The following RNF212 variants were observed in gnomAD, a reference collection of about 807,000 sequenced individuals.
RNF212 encodes ring finger protein 212.
A neutral mutation model predicts 34.7 loss-of-function variants in RNF212; 33 were observed. The ratio of observed to expected loss-of-function variants is 0.95; its 90% CI spans 0.72 to 1.27. RNF212 has a LOEUF of 1.27. Ranked by LOEUF, RNF212 falls within the 50% of genes most tolerant of loss-of-function variation. The probability of loss-of-function intolerance (pLI) is 0.00; values close to 1 mark genes in which losing one functional copy is unlikely to be tolerated. For synonymous variants in RNF212, 140 were observed against 136.1 expected, an observed-to-expected ratio of 1.03 and a Z score of -0.20; for missense variants, 377 against 362.2, an observed-to-expected ratio of 1.04 and a Z score of -0.33.
chr4:1,105,413 G>A (rs4974638), intron 2 of RNF212, among the ~76,000 whole-genome samples: 86,624 of 151,982 alleles, frequency 0.57, 26,590 homozygotes, highest in South Asian at 0.69. Context: ...TATTCTGTGC[G>A]TTCAATCGTA....
At chr4:1,090,031 T>C (rs1346841877) in intron 4 of RNF212, among the ~76,000 whole-genome samples, 1 of 142,398 alleles carries the variant, frequency 7.0e-6, no homozygotes, top group African/African-American at 2.7e-5. Flanking sequence ...GGTGACGGGA[T>C]GGGATGGGGT....
intron 2 of RNF212, among the ~76,000 whole-genome samples, chr4:1,105,456 A>G (rs1724664443): frequency 6.6e-6 from 1 of 152,284 alleles, no homozygotes; most frequent in South Asian, 2.1e-4. Context: ...AAATCAATAT[A>G]TAAAGATATC....
chr4:1,080,521 A>G (rs1720156649), intron 7 of RNF212, among the ~76,000 whole-genome samples: 1 of 151,728 alleles, frequency 6.6e-6, no homozygotes, highest in Non-Finnish European at 1.5e-5. Context: ...CTGACCCCTC[A>G]CCCTTCATTG....
chr4:1,060,115 A>T (rs1463272009), intron 3 of RNF212, among the ~76,000 whole-genome samples: 1 of 7,254 alleles, frequency 1.4e-4, no homozygotes, highest in African/African-American at 4.9e-3. Flanking sequence ...AAAAAAAAAG[A>T]AAAAAGAAAT....
chr4:1,073,021 G>A lies in RNF212; in HGVS notation c.747C>T (p.Asn249=). The A allele has an allele frequency of 1.2e-6, 2 of 1,614,196 alleles. No individual in the cohort carries two copies. The highest frequency in any genetic ancestry group is 1.7e-6 in the Non-Finnish European group (2 of 1,180,020). Residue 249 remains asparagine (N), a synonymous_variant, in exon 10 of 10, where the codon AAC becomes AAT. Coordinates refer to ENST00000433731, the MANE Select transcript of RNF212 (RefSeq NM_001131034.4). ...CAGCATATATTGGAAGTGTTTTAGA[G>A]TTGGTGAGTTCCCCGTGCCTTCCAG... ...FSSGRHGELT[N]SKTLPIYAEV...
intron 3 of RNF212, chr4:1,058,432 T>G (rs1717504842): frequency 2.3e-6 from 2 of 869,574 alleles, no homozygotes; most frequent in Non-Finnish European, 2.8e-6. Flanking sequence ...TCGTTCATGT[T>G]AACACATCAC....
At chr4:1,106,673 G>A (rs1724879361) in intron 2 of RNF212, among the ~76,000 whole-genome samples, 2 of 152,230 alleles carry the variant, frequency 1.3e-5, no homozygotes, top group Non-Finnish European at 2.9e-5. Flanking sequence ...TTCCACTCAA[G>A]CTAGAGAAAG....
At chr4:1,108,011 T>A (rs1213614927) in intron 2 of RNF212, among the ~76,000 whole-genome samples, 1 of 152,228 alleles carries the variant, frequency 6.6e-6, no homozygotes. Flanking sequence ...AACAACACTC[T>A]TAATTATATA....
At chr4:1,058,134 GA>G (rs1202993862) in intron 4 of RNF212, among the ~76,000 whole-genome samples, 1 of 151,962 alleles carries the variant, frequency 6.6e-6, no homozygotes, top group Non-Finnish European at 1.5e-5. Context: ...AAACAGGGAT[GA>G]AAAGCAACAT....
At chr4:1,062,597 A>G (rs556298094) in intron 3 of RNF212, among the ~76,000 whole-genome samples, 18 of 152,332 alleles carry the variant, frequency 1.2e-4, no homozygotes, top group African/African-American at 4.1e-4. Context: ...GAACAAAGAC[A>G]AGGATGTCTG....
intron 8 of RNF212, among the ~76,000 whole-genome samples, chr4:1,074,138 C>T (rs1373844549): frequency 6.6e-6 from 1 of 152,140 alleles, no homozygotes; most frequent in Non-Finnish European, 1.5e-5. Flanking sequence ...ACCACGAGGC[C>T]GCTTCTGCCA....
chr4:1,075,113 T>C (rs554542736), intron 8 of RNF212, among the ~76,000 whole-genome samples: 1 of 152,218 alleles, frequency 6.6e-6, no homozygotes, highest in Non-Finnish European at 1.5e-5. Flanking sequence ...ACCTTTCTTG[T>C]AAATGGGCCA....
downstream of RNF212, among the ~76,000 whole-genome samples, chr4:1,068,442 G>A (rs1329955038): frequency 1.3e-5 from 2 of 152,080 alleles, no homozygotes; most frequent in African/African-American, 4.8e-5. Flanking sequence ...TGTTTGCTGT[G>A]GTTGCTTTAA....
At chr4:1,064,710 C>A (rs912157190) in intron 3 of RNF212, among the ~76,000 whole-genome samples, 2 of 152,204 alleles carry the variant, frequency 1.3e-5, no homozygotes, top group African/African-American at 2.4e-5. Flanking sequence ...TAAATACATT[C>A]CTGATGCTGT....
intron 3 of RNF212, among the ~76,000 whole-genome samples, chr4:1,091,300 C>A (rs1166393274): frequency 6.6e-6 from 1 of 152,236 alleles, no homozygotes; most frequent in Non-Finnish European, 1.5e-5. Context: ...CTGACACCAG[C>A]ACCCTCCCAT....
In RNF212 at chr4:1,080,950, G is replaced by A. The variant is rs142934796; in HGVS notation, c.464+469C>T. ...GCAGGCATAGCCTGGAGATGGGGCA[G>A]ACACAAGCCACAGGACATGTGCCAG... On this transcript the variant is annotated intron_variant, in intron 7 of 9. Transcript: ENST00000433731. Among the ~76,000 whole-genome samples, 880 of 152,362 alleles carry A rather than the reference G, an allele frequency of 5.8e-3. 15 individuals carry two copies. Among genetic ancestry groups the A allele is most frequent in the African/African-American group, 0.019 (802 of 41,586 alleles).
At chr4:1,093,132 G>A (rs1448727509) in intron 3 of RNF212, among the ~76,000 whole-genome samples, 1 of 152,184 alleles carries the variant, frequency 6.6e-6, no homozygotes, top group Admixed American at 6.5e-5. Context: ...GGCAGGCAGT[G>A]GCTGAGGTGG....
At chr4:1,112,237 A>T (rs929919625) in intron 1 of RNF212, among the ~76,000 whole-genome samples, 2 of 152,124 alleles carry the variant, frequency 1.3e-5, no homozygotes, top group Non-Finnish European at 2.9e-5. Flanking sequence ...AGGGAGAAAA[A>T]GGAAGAAAGA....
At position 1,073,181 on chromosome 4, in the gene RNF212, G is replaced by T. The variant is rs1347239741; in HGVS notation, c.587C>A (p.Thr196Lys). The change falls in exon 10 of 10, where the codon ACA (threonine) becomes AAA (lysine). Residue 196 changes from threonine (T) to lysine (K), a missense_variant. Physicochemically the swap from Thr to Lys is moderately conservative, Grantham distance 78. Coordinates refer to ENST00000433731, the MANE Select transcript of RNF212 (RefSeq NM_001131034.4). ...PQDGRMGPHL[T>K]ASFCFIPWLT... ...CCATGGGATGAAACAGAAAGAAGCT[G>T]TTAGATGTGGCCCTGCGGGAAGATG... The T allele has an allele frequency of 2.5e-6, 4 of 1,613,856 alleles. No individual in the cohort carries two copies. In the East Asian group the frequency reaches 6.7e-5, roughly 27 times the overall value.
Sources: gnomAD v4.1 joint callset for allele counts (sites outside exome capture counted in the v4.1 genomes callset) on GRCh38, gnomAD v4.1.1 for gene constraint, MANE v1.5 for transcripts, NCBI Gene and HGNC (gene_info 2026-07-23, HGNC 2026-07-21) for gene names.